The following RAD51B variants were observed in gnomAD, a reference collection of about 807,000 sequenced individuals.
RAD51B encodes DNA repair protein RAD51 homolog 2.
Under a neutral mutation model 42.2 loss-of-function variants are expected in RAD51B, and 38 were observed. The observed-to-expected ratio is 0.90, with a 90% CI of 0.70 to 1.18. The LOEUF (loss-of-function observed/expected upper bound fraction) is 1.18, where lower values mean the gene tolerates loss of function less well. Among genes scored for constraint, RAD51B ranks in the 50% most tolerant of loss-of-function variants. RAD51B has a pLI of 0.00. For missense variants in RAD51B, 373 were observed against 400.7 expected (o/e 0.93, Z 0.59); for synonymous variants, 154 against 145.2 (o/e 1.06, Z -0.43).
At chr14:68,062,706 G>A (rs1199177512) in intron 7 of RAD51B, among the ~76,000 whole-genome samples, 1 of 151,708 alleles carries the variant, frequency 6.6e-6, no homozygotes, top group African/African-American at 2.4e-5. Flanking sequence ...CTACTCAGGA[G>A]GCTGAGACAT....
intron 9 of RAD51B, among the ~76,000 whole-genome samples, chr14:68,442,179 A>C (rs1183320921): frequency 6.6e-6 from 1 of 151,920 alleles, no homozygotes; most frequent in Non-Finnish European, 1.5e-5. Flanking sequence ...AATTACTTTA[A>C]CTCTCTTTAC....
At chr14:68,480,576 C>A (rs971979557), downstream of RAD51B, among the ~76,000 whole-genome samples, 28 of 152,126 alleles carry the variant, frequency 1.8e-4, 1 homozygote, top group African/African-American at 6.5e-4. Flanking sequence ...AAAGTCAGCT[C>A]TCCCAGATCT....
At chr14:68,228,249 G>C (rs1464086092) in intron 7 of RAD51B, among the ~76,000 whole-genome samples, 7 of 152,066 alleles carry the variant, frequency 4.6e-5, no homozygotes. Flanking sequence ...TCTAGGTTGG[G>C]AGCTAAAGAT....
intron 5 of RAD51B, among the ~76,000 whole-genome samples, chr14:67,878,451 A>G (rs900430048): frequency 6.6e-6 from 1 of 152,070 alleles, no homozygotes; most frequent in African/African-American, 2.4e-5. Context: ...TTCCTGGGCT[A>G]TAATTCTATA....
At chr14:67,916,300 T>C (rs2044147890) in intron 7 of RAD51B, among the ~76,000 whole-genome samples, 3 of 152,200 alleles carry the variant, frequency 2.0e-5, no homozygotes, top group Admixed American at 6.5e-5. Flanking sequence ...TGTTTTTTTT[T>C]GAGACTGGTC....
At chr14:67,927,703 A>ATGTG (rs35189653) in intron 7 of RAD51B, among the ~76,000 whole-genome samples, 1,848 of 137,418 alleles carry the variant, frequency 0.013, 34 homozygotes, top group African/African-American at 0.044. Context: ...ATTTCATTGT[A>ATGTG]TGTGTGTGTG....
chr14:68,500,093 G>A (rs987886427), intron 10 of RAD51B, among the ~76,000 whole-genome samples: 6 of 152,204 alleles, frequency 3.9e-5, no homozygotes, highest in South Asian at 4.2e-4. Flanking sequence ...TCCCTCTTGC[G>A]TTCCTCATAC....
At chr14:68,040,012 A>C (rs911697571) in intron 7 of RAD51B, among the ~76,000 whole-genome samples, 1 of 152,184 alleles carries the variant, frequency 6.6e-6, no homozygotes, top group Non-Finnish European at 1.5e-5. Context: ...GGTAGTTTAG[A>C]TTGGTTAATG....
At chr14:68,466,678 T>C (rs1272519459) in intron 9 of RAD51B, among the ~76,000 whole-genome samples, 1 of 152,216 alleles carries the variant, frequency 6.6e-6, no homozygotes, top group Non-Finnish European at 1.5e-5. Context: ...AGTTTTCTTA[T>C]GAAAACATAA....
chr14:68,181,631 A>G (rs1322271711), intron 7 of RAD51B, among the ~76,000 whole-genome samples: 1 of 152,228 alleles, frequency 6.6e-6, no homozygotes, highest in African/African-American at 2.4e-5. Flanking sequence ...ATTTCTCTGC[A>G]GTGTCCCTCA....
intron 10 of RAD51B, among the ~76,000 whole-genome samples, chr14:68,555,145 CA>C (rs1888772262): frequency 6.6e-6 from 1 of 151,946 alleles, no homozygotes; most frequent in South Asian, 2.1e-4. Context: ...CGTGCCCGGC[CA>C]AAAAAATATT....
At chr14:67,969,430 A>G (rs1347451555) in intron 7 of RAD51B, among the ~76,000 whole-genome samples, 1 of 152,150 alleles carries the variant, frequency 6.6e-6, no homozygotes, top group Non-Finnish European at 1.5e-5. Flanking sequence ...GTTAAATGTA[A>G]CCAGGACTCT....
Position 67,865,024 on chromosome 14 carries a change from G to A in RAD51B, c.337G>A (p.Gly113Arg). 1 of 670,038 alleles carries A rather than the reference G, an allele frequency of 1.5e-6. No individual in the cohort carries two copies. Among genetic ancestry groups the A allele is most frequent in the Non-Finnish European group, 2.3e-6 (1 of 427,656 alleles). 41.5% of individuals were successfully genotyped at this position (670,038 alleles called of 1,614,324 possible). Reference protein sequence around the residue: ...LTEITGPPGCGKTQFCIMMSI... With the variant: ...LTEITGPPGCRKTQFCIMMSI... The stretch of plus-strand genomic sequence containing the variant: ...TTAGATTACAGGTCCACCAGGTTGT[G>A]GAAAAACTCAGTTTTGTATAATGAT... The change falls in exon 5 of 11, where the codon GGA becomes AGA. Residue 113 changes from glycine (G) to arginine (R), a missense_variant. Physicochemically the swap from Gly to Arg is moderately radical, Grantham distance 125. Transcript: ENST00000471583.
At chr14:68,270,173 C>T (rs888279875) in intron 7 of RAD51B, among the ~76,000 whole-genome samples, 4 of 152,208 alleles carry the variant, frequency 2.6e-5, no homozygotes, top group Non-Finnish European at 5.9e-5. Context: ...ACATGCCCTG[C>T]GATCCAGCCC....
At chr14:68,002,189 T>C (rs2075497678) in intron 7 of RAD51B, among the ~76,000 whole-genome samples, 2 of 152,166 alleles carry the variant, frequency 1.3e-5, no homozygotes, top group Non-Finnish European at 2.9e-5. Flanking sequence ...CCTTTTTCTC[T>C]GCAACCTTGC....
rs559824188 is a variant in RAD51B at position 68,562,398 on chromosome 14, A to G, written c.1037-32087A>G. Reference sequence around the variant, plus strand: ...TTGAGCAAATGCAGAAAGGAAATGGACTTATGCAGAGGCCCATACAGCCCC... The same window carrying G: ...TTGAGCAAATGCAGAAAGGAAATGGGCTTATGCAGAGGCCCATACAGCCCC... On this transcript the variant is annotated intron_variant, in intron 10 of 10. Transcript: ENST00000487270. 79 of 984,516 alleles carry G rather than the reference A, an allele frequency of 8.0e-5. No individual in the cohort carries two copies. The African/African-American group carries it at 1.3e-3, about 17-fold the overall frequency. 61.0% of individuals were successfully genotyped at this position (984,516 alleles called of 1,614,324 possible).
chr14:68,428,308 A>G (rs1045375069), intron 9 of RAD51B, among the ~76,000 whole-genome samples: 3 of 152,104 alleles, frequency 2.0e-5, no homozygotes, highest in African/African-American at 4.8e-5. Flanking sequence ...CACAGACACA[A>G]TCCTCTTCTA....
chr14:68,026,707 T>G (rs916377925), intron 7 of RAD51B, among the ~76,000 whole-genome samples: 2 of 152,176 alleles, frequency 1.3e-5, no homozygotes, highest in African/African-American at 4.8e-5. Context: ...AGATCTTTCT[T>G]TATCTCTTTA....
intron 10 of RAD51B, among the ~76,000 whole-genome samples, chr14:68,622,421 G>A (rs1891969415): frequency 6.6e-6 from 1 of 152,158 alleles, no homozygotes; most frequent in Admixed American, 6.5e-5. Flanking sequence ...GACAAATATG[G>A]ATCAAGTAAT....
Sources: gnomAD v4.1 joint callset for allele counts (sites outside exome capture counted in the v4.1 genomes callset) on GRCh38, gnomAD v4.1.1 for gene constraint, MANE v1.5 for transcripts, NCBI Gene and HGNC (gene_info 2026-07-23, HGNC 2026-07-21) for gene names.